The following TLCD1 variants were observed in gnomAD, a reference collection of about 807,000 sequenced individuals.
TLCD1 encodes TLC domain containing 1, also known as TLC domain-containing protein 1.
A neutral mutation model predicts 21.2 loss-of-function variants in TLCD1; 21 were observed. That is an observed-to-expected ratio of 0.99 (90% CI 0.70 to 1.42). The LOEUF (loss-of-function observed/expected upper bound fraction) is 1.42, where lower values mean the gene tolerates loss of function less well. Among genes scored for constraint, TLCD1 ranks in the 40% most tolerant of loss-of-function variants. The pLI, the probability that TLCD1 is intolerant of heterozygous loss-of-function variation, is 0.00. For synonymous variants in TLCD1, 168 were observed against 134.8 expected, an observed-to-expected ratio of 1.25 and a Z score of -1.71; for missense variants, 344 against 330.3, an observed-to-expected ratio of 1.04 and a Z score of -0.32.
rs771035141 is a variant in TLCD1, at chr17:28,726,047, C to A, written c.51G>T (p.Leu17=). Residue 17 remains leucine (L), a synonymous_variant, in exon 1 of 4, where the codon CTG becomes CTT. Coordinates refer to ENST00000292090, the MANE Select transcript of TLCD1 (RefSeq NM_138463.4). ...PALPLLLGAT[L]TFRALRRALC... ...GCGCGCGCCGGAGCGCCCGGAAGGT[C>A]AGCGTGGCGCCCAGGAGCAGCGGCA... is the stretch of plus-strand genomic sequence containing the variant. 1.7e-5 allele frequency: 27 copies of A among 1,565,842 alleles called. No homozygotes were observed. The highest frequency in any genetic ancestry group is 2.2e-5 in the Non-Finnish European group (26 of 1,160,796).
In TLCD1 at chr17:28,725,500, C is replaced by T. The variant is rs776406408; in HGVS notation, c.258G>A (p.Leu86=). 6.2e-7 allele frequency: 1 copy of T among 1,614,038 alleles called. No individual in the cohort carries two copies. Among genetic ancestry groups the T allele is most frequent in the East Asian group, 2.2e-5 (1 of 44,898 alleles). ...IETAWSLSGY[L]LVCFSAGYFI... ...ACCTACCCGCAGAGAAGCAAACGAGCAAATAGCCAGAAAGTGACCACGCCG... is the reference window on the plus strand; with the variant it reads ...ACCTACCCGCAGAGAAGCAAACGAGTAAATAGCCAGAAAGTGACCACGCCG... Residue 86 remains leucine (L), a synonymous_variant, in exon 2 of 4, where the codon TTG becomes TTA. Coordinates refer to ENST00000292090, the MANE Select transcript of TLCD1 (RefSeq NM_138463.4).
Position 28,726,069 on chromosome 17 carries a change from G to A in TLCD1, c.29C>T (p.Pro10Leu). The change falls in exon 1 of 4, where the codon CCG becomes CTG. Residue 10 changes from proline (P) to leucine (L), a missense_variant. Physicochemically the swap from Pro to Leu is moderately conservative, Grantham distance 98. Coordinates refer to ENST00000292090, the MANE Select transcript of TLCD1 (RefSeq NM_138463.4). ...GGTCAGCGTGGCGCCCAGGAGCAGC[G>A]GCAGGGCGGGGTGCAGCAGTCGGGG... MPRLLHPAL[P>L]LLLGATLTFR... The A allele has an allele frequency of 1.3e-6, 2 of 1,509,590 alleles. No individual in the cohort carries two copies. Among genetic ancestry groups the A allele is most frequent in the Non-Finnish European group, 1.8e-6 (2 of 1,135,946 alleles). The allele number at this position is 1,509,590 out of a possible 1,614,324, so 93.5% of individuals were successfully genotyped here. A position where few individuals can be genotyped will look rare whatever the true frequency, so the allele number is the denominator to read the frequency against.
rs748623707 is a variant in TLCD1, at chr17:28,724,911, T to C, written c.361-18A>G. ...CCCATGGCCTAGAGGGAAGAAAGAA[T>C]AGGAGTTAGGGAACCCAGATGCAGA... On this transcript the variant is annotated intron_variant, in intron 3 of 3. Coordinates refer to ENST00000292090, the MANE Select transcript of TLCD1 (RefSeq NM_138463.4). 29 of 1,604,332 alleles carry C rather than the reference T, an allele frequency of 1.8e-5. No homozygotes were observed. In the African/African-American group the frequency reaches 3.2e-4, roughly 18 times the overall value.
chr17:28,727,013 C>T (rs1597801451), upstream of TLCD1: 1 of 600,282 alleles, frequency 1.7e-6, no homozygotes, highest in Non-Finnish European at 3.0e-6. Context: ...GTCAGCCTGC[C>T]CTCACTGTGG....
Position 28,725,996 on chromosome 17 carries a change from G to A in TLCD1, c.102C>T (p.His34=). 1 of 1,611,234 alleles carries A rather than the reference G, an allele frequency of 6.2e-7. No homozygotes were observed. The highest frequency in any genetic ancestry group is 1.1e-5 in the South Asian group (1 of 91,002). ...RALCRLPLPV[H]VRADPLRTWR... is the part of the protein sequence containing the mutation. ...AGGTGCGCAGGGGGTCGGCGCGCAC[G>A]TGCACGGGTAGGGGCAGGCGACAGA... The change falls in exon 1 of 4, where the codon CAC becomes CAT. Residue 34 remains histidine, a synonymous_variant. Transcript: ENST00000292090.
upstream of TLCD1, chr17:28,726,833 A>G (rs1467174426): frequency 3.9e-6 from 6 of 1,546,544 alleles, no homozygotes; most frequent in Non-Finnish European, 5.2e-6. Context: ...GCCGGCTCTT[A>G]AACTCCTGGG....
chr17:28,724,468 T>G lies in TLCD1; in HGVS notation c.*42A>C. ...AGTCCCAGTGTCCATATGAAGCTGT[T>G]TCTGGCCTTGTCCGTTTTTGTTGTC... On this transcript the variant is annotated 3_prime_UTR_variant, in exon 4 of 4. Transcript: ENST00000292090. 6.3e-7 allele frequency: 1 copy of G among 1,593,540 alleles called. No homozygotes were observed. Among genetic ancestry groups the G allele is most frequent in the East Asian group, 2.2e-5 (1 of 44,700 alleles).
At position 28,725,854 on chromosome 17, in the gene TLCD1, T is replaced by C. The variant is rs1371261472; in HGVS notation, c.194+50A>G. 1.9e-6 allele frequency: 3 copies of C among 1,586,812 alleles called. No homozygotes were observed. The South Asian group carries it at 3.4e-5, about 18-fold the overall frequency. ...TAGTAACACAAGAGCCGGCCCCGGC[T>C]CCCCGCTCAGGATCCCCTGGCCACC... is the stretch of plus-strand genomic sequence containing the variant. On this transcript the variant is annotated intron_variant, in intron 1 of 3. Transcript: ENST00000292090.
intron 2 of TLCD1, 40 bp downstream of exon 2, chr17:28,725,441 C>T (rs1210413050): frequency 6.2e-6 from 10 of 1,613,976 alleles, no homozygotes; most frequent in African/African-American, 1.3e-5. Flanking sequence ...TTCCTTCTCC[C>T]TGTCCCCAAT....
intron 3 of TLCD1, 62 bp from the exon 4 acceptor site, chr17:28,724,955 G>T (rs536826287): frequency 2.6e-5 from 40 of 1,553,650 alleles, no homozygotes; most frequent in South Asian, 2.1e-4. Flanking sequence ...TGGAAGTTTG[G>T]GGGGTGTGGC....
chr17:28,725,279 A>G, intron 3 of TLCD1, 25 bp downstream of exon 3: 3 of 1,612,956 alleles, frequency 1.9e-6, no homozygotes, highest in Non-Finnish European at 2.5e-6. Context: ...CCAGGCCTAT[A>G]CCACATAGTC....
At position 28,724,376 on chromosome 17, in the gene TLCD1, C is replaced by A. The variant is rs1445010940; in HGVS notation, c.*134G>T. On this transcript the variant is annotated 3_prime_UTR_variant, in exon 4 of 4. Transcript: ENST00000292090. ...AGAGGAGTACTTTCATTAGTGTTTT[C>A]AATAGTGTGGGCGCAGGCTCAGAAG... is the stretch of plus-strand genomic sequence containing the variant. 4 of 1,153,440 alleles carry A rather than the reference C, an allele frequency of 3.5e-6. No individual in the cohort carries two copies. Among genetic ancestry groups the A allele is most frequent in the Non-Finnish European group, 4.9e-6 (4 of 813,822 alleles). 71.5% of individuals were successfully genotyped at this position (1,153,440 alleles called of 1,614,324 possible).
In TLCD1 at chr17:28,724,987, A is replaced by G. The variant is rs1300975789; in HGVS notation, c.361-94T>C. On this transcript the variant is annotated intron_variant, in intron 3 of 3. Coordinates refer to ENST00000292090, the MANE Select transcript of TLCD1 (RefSeq NM_138463.4). Reference sequence around the variant, plus strand: ...TGGCTATCAGATTGAGGGCTGGAAAATCCCAAATTTCCCCCTGGAATAATA... The same window carrying G: ...TGGCTATCAGATTGAGGGCTGGAAAGTCCCAAATTTCCCCCTGGAATAATA... 2.9e-6 allele frequency: 4 copies of G among 1,380,764 alleles called. No individual in the cohort carries two copies. The African/African-American group carries it at 4.4e-5, about 15-fold the overall frequency. 85.5% of individuals were successfully genotyped at this position (1,380,764 alleles called of 1,614,324 possible).
At chr17:28,727,175 A>T, upstream of TLCD1, 5 of 136,760 alleles carry the variant, frequency 3.7e-5, no homozygotes, top group Non-Finnish European at 4.3e-5. Flanking sequence ...GTAATAGAGG[A>T]GGGGCGGGAA....
At chr17:28,726,974 G>A, upstream of TLCD1, 1 of 674,880 alleles carries the variant, frequency 1.5e-6, no homozygotes, top group East Asian at 2.7e-5. Flanking sequence ...CCGGTAGCTT[G>A]CAGCAGTTGC....
chr17:28,725,960 G>A lies in TLCD1; in HGVS notation c.138C>T (p.His46=). The A allele has an allele frequency of 6.2e-7, 1 of 1,612,740 alleles. No homozygotes were observed. Among genetic ancestry groups the A allele is most frequent in the Non-Finnish European group, 8.5e-7 (1 of 1,179,784 alleles). ...AGTGAGCGAAGGAGACGAGCAGGTTGTGCCAGCGCCAGGTGCGCAGGGGGT... is the reference window on the plus strand; with the variant it reads ...AGTGAGCGAAGGAGACGAGCAGGTTATGCCAGCGCCAGGTGCGCAGGGGGT... ...RADPLRTWRW[H]NLLVSFAHSI... Residue 46 remains histidine, a synonymous_variant, in exon 1 of 4, where the codon CAC becomes CAT. Coordinates refer to ENST00000292090, the MANE Select transcript of TLCD1 (RefSeq NM_138463.4).
Position 28,724,390 on chromosome 17 carries a change from CAGGCTCAGAAGGTGGAGAGGCT to C in TLCD1, c.*98_*119del. On this transcript the variant is annotated 3_prime_UTR_variant, in exon 4 of 4. Coordinates refer to ENST00000292090, the MANE Select transcript of TLCD1 (RefSeq NM_138463.4). Reference sequence around the variant, plus strand: ...ATTAGTGTTTTCAATAGTGTGGGCGCAGGCTCAGAAGGTGGAGAGGCTGGCCTCAGAGGACACCCAGGCTTGG... The same window carrying C: ...ATTAGTGTTTTCAATAGTGTGGGCGCGGCCTCAGAGGACACCCAGGCTTGG... 1 of 1,264,326 alleles carries C rather than the reference CAGGCTCAGAAGGTGGAGAGGCT, an allele frequency of 7.9e-7. No individual in the cohort carries two copies. Among genetic ancestry groups the C allele is most frequent in the Non-Finnish European group, 1.1e-6 (1 of 911,752 alleles). The allele number at this position is 1,264,326 out of a possible 1,614,324, so 78.3% of individuals were successfully genotyped here. A position where few individuals can be genotyped will look rare whatever the true frequency, so the allele number is the denominator to read the frequency against.
rs770009952 is a variant in TLCD1 at position 28,724,954 on chromosome 17, G to A, written c.361-61C>T. 5.2e-5 allele frequency: 81 copies of A among 1,551,058 alleles called. No individual in the cohort carries two copies. The Middle Eastern group carries it at 5.5e-4, about 10-fold the overall frequency. On this transcript the variant is annotated intron_variant, in intron 3 of 3. Coordinates refer to ENST00000292090, the MANE Select transcript of TLCD1 (RefSeq NM_138463.4). ...GATGCAGACGCTTTCCTGGAAGTTT[G>A]GGGGGTGTGGCTATCAGATTGAGGG...
intron 3 of TLCD1, 87 bp downstream of exon 3, chr17:28,725,216 AC>A (rs2034199663): frequency 1.9e-5 from 28 of 1,475,694 alleles, no homozygotes; most frequent in Non-Finnish European, 2.6e-5. Context: ...TGGTAAGAAA[AC>A]ACGGCCTTCT....
Sources: gnomAD v4.1 joint callset for allele counts on GRCh38, gnomAD v4.1.1 for gene constraint, MANE v1.5 for transcripts, NCBI Gene and HGNC (gene_info 2026-07-23, HGNC 2026-07-21) for gene names.